Variants in SS18L1 observed in about 807,000 individuals in gnomAD.
The protein encoded by SS18L1 is calcium-responsive transactivator.
Under a neutral mutation model 70.3 loss-of-function variants are expected in SS18L1, and 32 were observed. The ratio of observed to expected loss-of-function variants is 0.46; its 90% CI spans 0.34 to 0.61. The LOEUF (loss-of-function observed/expected upper bound fraction) is 0.61, where lower values mean the gene tolerates loss of function less well. Ranked by LOEUF, SS18L1 falls within the 20% of genes least tolerant of loss-of-function variation. The pLI is 0.01. For missense variants in SS18L1, 430 were observed against 542.1 expected, an observed-to-expected ratio of 0.79 and a Z score of 2.05; for synonymous variants, 237 against 229.7, an observed-to-expected ratio of 1.03 and a Z score of -0.29.
intron 1 of SS18L1, among the ~76,000 whole-genome samples, chr20:62,147,448 G>A (rs549764060): frequency 2.2e-4 from 34 of 152,316 alleles, no homozygotes; most frequent in African/African-American, 7.9e-4. Flanking sequence ...TTGGGGCTGG[G>A]CCTGCAGTGG....
Position 62,165,525 on chromosome 20 carries a change from C to T in SS18L1, c.916+11C>T, listed in dbSNP as rs747992148. 66 of 1,598,644 alleles carry T rather than the reference C, an allele frequency of 4.1e-5. No individual in the cohort carries two copies. Among genetic ancestry groups the T allele is most frequent in the Non-Finnish European group, 5.3e-5 (62 of 1,173,308 alleles). On this transcript the variant is annotated intron_variant, in intron 8 of 10. Coordinates refer to ENST00000331758, the MANE Select transcript of SS18L1 (RefSeq NM_198935.3). ...ACTACTATGAGGGGGGTAAGGAGCA[C>T]GGCTGCGTGCTGGGCTCGAGCGTAA...
chr20:62,143,800 G>A lies in SS18L1; in HGVS notation c.-21G>A, dbSNP rs769062782. 9 of 1,352,152 alleles carry A rather than the reference G, an allele frequency of 6.7e-6. No individual in the cohort carries two copies. Among genetic ancestry groups the A allele is most frequent in the Non-Finnish European group, 6.8e-6 (7 of 1,021,956 alleles). The allele number at this position is 1,352,152 out of a possible 1,614,324, so 83.8% of individuals were successfully genotyped here. A position where few individuals can be genotyped will look rare whatever the true frequency, so the allele number is the denominator to read the frequency against. On this transcript the variant is annotated 5_prime_UTR_variant, in exon 1 of 11. Coordinates refer to ENST00000331758, the MANE Select transcript of SS18L1 (RefSeq NM_198935.3). ...GGAGTATCCACCTCGATGACCACGG[G>A]CTGAGCCCCGCGCCGCCACCATGTC...
At chr20:62,152,624 TC>T (rs1465235034) in intron 1 of SS18L1, among the ~76,000 whole-genome samples, 2 of 151,920 alleles carry the variant, frequency 1.3e-5, no homozygotes, top group Non-Finnish European at 2.9e-5. Context: ...ATACAGAAGA[TC>T]TAGAACGCTC....
At chr20:62,148,805 T>C (rs1416483094) in intron 1 of SS18L1, among the ~76,000 whole-genome samples, 1 of 152,242 alleles carries the variant, frequency 6.6e-6, no homozygotes. Context: ...GAAGCTGCTC[T>C]CCCAACTCCT....
chr20:62,176,329 G>A (rs752780854), intron 10 of SS18L1, among the ~76,000 whole-genome samples: 8 of 152,028 alleles, frequency 5.3e-5, no homozygotes, highest in Non-Finnish European at 1.2e-4. Context: ...ACCAGCCAGG[G>A]TAACATAGCA....
In SS18L1 at chr20:62,161,380, G is replaced by C; in HGVS notation, c.232-56G>C. ...CCTCTCATCCCTGGCCTGGCTTGTG[G>C]AGGTCGCTCTCCGTAAATTAACCGT... is the stretch of plus-strand genomic sequence containing the variant. On this transcript the variant is annotated intron_variant, in intron 3 of 10. Transcript: ENST00000331758. This position sits in a 1 kb window ranked among gnomAD's most constrained non-coding sequence, Gnocchi z 4.4. 1 of 1,612,006 alleles carries C rather than the reference G, an allele frequency of 6.2e-7. No homozygotes were observed. Among genetic ancestry groups the C allele is most frequent in the Non-Finnish European group, 8.5e-7 (1 of 1,179,710 alleles).
intron 1 of SS18L1, among the ~76,000 whole-genome samples, chr20:62,148,942 G>C (rs952388292): frequency 6.6e-6 from 1 of 152,258 alleles, no homozygotes; most frequent in African/African-American, 2.4e-5. Flanking sequence ...CGCCGGGTGT[G>C]GAGTCTGGAG....
At chr20:62,175,270 C>T (rs776344668) in intron 10 of SS18L1, 91 of 985,240 alleles carry the variant, frequency 9.2e-5, no homozygotes, top group Non-Finnish European at 1.1e-4. Context: ...CGGGAGCTCT[C>T]GGGACAGTGA....
intron 1 of SS18L1, among the ~76,000 whole-genome samples, chr20:62,153,876 C>G (rs2057177236): frequency 2.0e-5 from 3 of 152,038 alleles, no homozygotes; most frequent in African/African-American, 4.8e-5. Flanking sequence ...CTCCTGAGAA[C>G]AGGTGTTTGG....
chr20:62,171,004 C>T (rs1421635828), intron 8 of SS18L1, among the ~76,000 whole-genome samples: 2 of 152,064 alleles, frequency 1.3e-5, no homozygotes, highest in East Asian at 3.9e-4. Context: ...TGGGTTCACA[C>T]CATTCTCCTG....
chr20:62,150,032 T>C (rs1015132083), intron 1 of SS18L1, among the ~76,000 whole-genome samples: 4 of 152,250 alleles, frequency 2.6e-5, no homozygotes, highest in Non-Finnish European at 4.4e-5. Flanking sequence ...AGGCGGCTGC[T>C]CTTGTGTCTG....
rs2057269446 is a variant in SS18L1 at position 62,158,762 on chromosome 20, A to G, written c.146+14A>G. On this transcript the variant is annotated intron_variant, in intron 2 of 10. Transcript: ENST00000331758. The surrounding 1 kb of genome is among the most constrained non-coding windows in gnomAD (Gnocchi z 4.5). ...CGAGTGCACGCAGTGAGTGCCCGCC[A>G]TACACCGGAACACTTGGAGGGTGTC... The G allele has an allele frequency of 2.5e-6, 4 of 1,613,020 alleles. No homozygotes were observed. Among genetic ancestry groups the G allele is most frequent in the East Asian group, 2.2e-5 (1 of 44,878 alleles).
At chr20:62,144,674 C>T (rs1044686886) in intron 1 of SS18L1, among the ~76,000 whole-genome samples, 2 of 152,238 alleles carry the variant, frequency 1.3e-5, no homozygotes, top group African/African-American at 4.8e-5. Flanking sequence ...CAAGAGACAG[C>T]GTTTATGTGG....
At chr20:62,173,244 CA>C (rs1418665293) in intron 9 of SS18L1, among the ~76,000 whole-genome samples, 70 of 152,322 alleles carry the variant, frequency 4.6e-4, no homozygotes, top group Middle Eastern at 3.4e-3. Context: ...CTGCAGCTTA[CA>C]ATCACCCAGG....
intron 1 of SS18L1, among the ~76,000 whole-genome samples, chr20:62,156,279 G>A (rs1842891640): frequency 6.6e-6 from 1 of 152,210 alleles, no homozygotes; most frequent in African/African-American, 2.4e-5. Context: ...AGGAAAGGAA[G>A]AAAGCCCATA....
At chr20:62,157,421 G>A (rs1006029776) in intron 1 of SS18L1, among the ~76,000 whole-genome samples, 4 of 152,236 alleles carry the variant, frequency 2.6e-5, no homozygotes, top group South Asian at 2.1e-4. Context: ...GGCCAGGCAC[G>A]TGGGTCACCA....
At chr20:62,176,257 C>A (rs964320065) in intron 10 of SS18L1, among the ~76,000 whole-genome samples, 1 of 152,258 alleles carries the variant, frequency 6.6e-6, no homozygotes, top group African/African-American at 2.4e-5. Context: ...GTGGCCCATG[C>A]CTGTAATCCC....
At chr20:62,151,355 T>C (rs1535131) in intron 1 of SS18L1, among the ~76,000 whole-genome samples, 132,709 of 152,264 alleles carry the variant, frequency 0.87, 57,865 homozygotes, top group African/African-American at 0.91. Flanking sequence ...CAGTCCCCGC[T>C]TGCCAAATCC....
At chr20:62,177,082 C>T (rs913957028) in intron 10 of SS18L1, among the ~76,000 whole-genome samples, 2 of 152,148 alleles carry the variant, frequency 1.3e-5, no homozygotes, top group Non-Finnish European at 2.9e-5. Flanking sequence ...GTCAGATGCC[C>T]CAGGGGCAAA....
Sources: gnomAD v4.1 joint callset for allele counts (sites outside exome capture counted in the v4.1 genomes callset) on GRCh38, gnomAD v4.1.1 for gene constraint, Gnocchi (gnomAD v3.1) non-coding constraint, MANE v1.5 for transcripts, NCBI Gene and HGNC (gene_info 2026-07-23, HGNC 2026-07-21) for gene names.